Variants in KCNK13 observed in about 807,000 individuals in gnomAD.
The protein encoded by KCNK13 is potassium two pore domain channel subfamily K member 13, also known as potassium channel subfamily K member 13.
A neutral mutation model predicts 23.4 loss-of-function variants in KCNK13; 12 were observed. The observed-to-expected ratio is 0.51, with a 90% CI of 0.33 to 0.83. KCNK13 has a LOEUF of 0.83. KCNK13 is among the 40% of genes least tolerant of loss of function. KCNK13 has a pLI of 0.02. For missense variants in KCNK13, 463 were observed against 556.3 expected (o/e 0.83, Z 1.69); for synonymous variants, 231 against 229.5 (o/e 1.01, Z -0.06).
At position 90,079,322 on chromosome 14, in the gene KCNK13, G is replaced by GAGGGAATTGAGGATGAGAAA. The variant is rs542179013; in HGVS notation, c.334+16810_334+16829dup. 2.4e-3 allele frequency among the ~76,000 whole-genome samples: 369 copies of GAGGGAATTGAGGATGAGAAA among 152,284 alleles called. 1 individual carries two copies. The highest frequency in any genetic ancestry group is 8.2e-3 in the African/African-American group (339 of 41,532). Reference sequence around the variant, plus strand: ...TCCCAGAAAAAACTAGTAGGAGTGTGAGGGAATTGAGGATGAGAAAAGGGA... The same window carrying GAGGGAATTGAGGATGAGAAA: ...TCCCAGAAAAAACTAGTAGGAGTGTGAGGGAATTGAGGATGAGAAAAGGGAATTGAGGATGAGAAAAGGGA... On this transcript the variant is annotated intron_variant, in intron 1 of 1. Transcript: ENST00000282146.
At chr14:90,098,511 G>A (rs1487778327) in intron 1 of KCNK13, among the ~76,000 whole-genome samples, 3 of 151,414 alleles carry the variant, frequency 2.0e-5, no homozygotes, top group African/African-American at 7.3e-5. Context: ...TTGGGAGGCC[G>A]AGGTGGGCGG....
rs746210519 is a variant in KCNK13, at chr14:90,184,848, G to A, written c.1072G>A (p.Ala358Thr). ...GAAGGACTTGCTGGCAGCCAACAAG[G>A]CCTCGTTGGCCATCCTGCAGAAGCA... The part of the protein sequence containing the change: ...SMKDLLAANK[A>T]SLAILQKQLS... The change falls in exon 2 of 2, where the codon GCC becomes ACC. Residue 358 changes from alanine (A) to threonine (T), a missense_variant. By Grantham distance (58) the Ala-to-Thr change is moderately conservative (BLOSUM62 0). Around this residue, in one of 3 missense-constraint regions of KCNK13, gnomAD observed 166 missense variants for 178.8 expected, o/e 0.93. Transcript: ENST00000282146. The surrounding 1 kb of genome is among the most constrained non-coding windows in gnomAD (Gnocchi z 5.6). 4 of 1,613,808 alleles carry A rather than the reference G, an allele frequency of 2.5e-6. No individual in the cohort carries two copies. Among genetic ancestry groups the A allele is most frequent in the Admixed American group, 3.3e-5 (2 of 60,028 alleles).
chr14:90,167,916 G>A (rs1011830687), intron 1 of KCNK13, among the ~76,000 whole-genome samples: 1 of 152,184 alleles, frequency 6.6e-6, no homozygotes, highest in Non-Finnish European at 1.5e-5. Context: ...GGAAGTAGAA[G>A]GTCCTTGAAT....
chr14:90,118,245 G>A (rs1251218063), intron 1 of KCNK13, among the ~76,000 whole-genome samples: 2 of 152,186 alleles, frequency 1.3e-5, no homozygotes, highest in Non-Finnish European at 2.9e-5. Context: ...TTCCCTGGGA[G>A]GAGAGTTTAG....
At chr14:90,109,799 C>T (rs1332811911) in intron 1 of KCNK13, among the ~76,000 whole-genome samples, 2 of 151,864 alleles carry the variant, frequency 1.3e-5, no homozygotes, top group African/African-American at 2.4e-5. Context: ...GCCTCAGCCT[C>T]CCGGGCTCAG....
At position 90,062,040 on chromosome 14, in the gene KCNK13, G is replaced by T. The variant is rs1029762726; in HGVS notation, c.-166G>T. 1.4e-5 allele frequency: 6 copies of T among 419,060 alleles called. No individual in the cohort carries two copies. Among genetic ancestry groups the T allele is most frequent in the Admixed American group, 1.4e-4 (3 of 22,122 alleles). The allele number at this position is 419,060 out of a possible 1,614,324, so 26.0% of individuals were successfully genotyped here. The stretch of plus-strand genomic sequence containing the variant: ...CACAGGAGCTACCGAGGCGGCGGCC[G>T]GGGGAGCCTCGCGGCCTGCGGGAGA... On this transcript the variant is annotated 5_prime_UTR_variant, in exon 1 of 2. Transcript: ENST00000282146. This position sits in a 1 kb window ranked among gnomAD's most constrained non-coding sequence, Gnocchi z 4.5.
At chr14:90,130,654 A>T (rs1889857507) in intron 1 of KCNK13, among the ~76,000 whole-genome samples, 1 of 151,954 alleles carries the variant, frequency 6.6e-6, no homozygotes, top group African/African-American at 2.4e-5. Context: ...CTCTACTAAC[A>T]ATACAAAAAA....
At chr14:90,093,956 T>A (rs1365287607) in intron 1 of KCNK13, among the ~76,000 whole-genome samples, 1 of 152,206 alleles carries the variant, frequency 6.6e-6, no homozygotes, top group Non-Finnish European at 1.5e-5. Flanking sequence ...TTTGTTTTAA[T>A]GGGATTTGCA....
chr14:90,108,315 T>C (rs1889571245), intron 1 of KCNK13, among the ~76,000 whole-genome samples: 1 of 152,168 alleles, frequency 6.6e-6, no homozygotes, highest in Admixed American at 6.5e-5. Context: ...GGCATGCCTC[T>C]GCCTCTAAGC....
chr14:90,076,987 T>A (rs1034984629), intron 1 of KCNK13, among the ~76,000 whole-genome samples: 1 of 151,852 alleles, frequency 6.6e-6, no homozygotes, highest in South Asian at 2.1e-4. Context: ...ACCTGGCTAA[T>A]TTTTTGTATT....
At chr14:90,082,089 T>G (rs1326464184) in intron 1 of KCNK13, among the ~76,000 whole-genome samples, 1 of 152,124 alleles carries the variant, frequency 6.6e-6, no homozygotes, top group Non-Finnish European at 1.5e-5. Flanking sequence ...CAAAACAGAG[T>G]CTCACTTTGT....
chr14:90,130,014 C>T lies in KCNK13; in HGVS notation c.335-54097C>T, dbSNP rs555657568. Among the ~76,000 whole-genome samples the T allele has an allele frequency of 4.6e-5, 7 of 152,082 alleles. No homozygotes were observed. The South Asian group carries it at 1.0e-3, about 23-fold the overall frequency. On this transcript the variant is annotated intron_variant, in intron 1 of 1. Transcript: ENST00000282146. ...CTAACATGTTAGCCGAGACCATCAA[C>T]GGACATGTTTTGTCTGTTCTTTCAA...
intron 1 of KCNK13, among the ~76,000 whole-genome samples, chr14:90,120,769 C>A (rs1304950162): frequency 6.6e-6 from 1 of 152,168 alleles, no homozygotes; most frequent in Non-Finnish European, 1.5e-5. Flanking sequence ...AATCTCATGT[C>A]CTCACATTTC....
intron 1 of KCNK13, among the ~76,000 whole-genome samples, chr14:90,074,867 C>G (rs898910922): frequency 2.6e-5 from 4 of 152,082 alleles, no homozygotes; most frequent in African/African-American, 9.7e-5. Context: ...AATCGTATTG[C>G]CTTTATTTAC....
At position 90,090,705 on chromosome 14, in the gene KCNK13, G is replaced by C. The variant is rs527878158; in HGVS notation, c.334+28166G>C. The stretch of plus-strand genomic sequence containing the variant: ...CTCACAATTCCCACGTGTCATGAGA[G>C]GAACCCAGTGGGAGGTAATTGAATC... On this transcript the variant is annotated intron_variant, in intron 1 of 1. Transcript: ENST00000282146. 7.1e-4 allele frequency among the ~76,000 whole-genome samples: 108 copies of C among 152,310 alleles called. 1 individual carries two copies. The South Asian group carries it at 0.022, about 31-fold the overall frequency.
At chr14:90,162,386 A>G (rs1238273803) in intron 1 of KCNK13, among the ~76,000 whole-genome samples, 1 of 152,248 alleles carries the variant, frequency 6.6e-6, no homozygotes, top group Non-Finnish European at 1.5e-5. Context: ...TGAGAACTAA[A>G]GACACACTAG....
chr14:90,151,754 T>A lies in KCNK13; in HGVS notation c.335-32357T>A, dbSNP rs867203094. Among the ~76,000 whole-genome samples, 4 of 152,194 alleles carry A rather than the reference T, an allele frequency of 2.6e-5. No homozygotes were observed. The South Asian group carries it at 8.3e-4, about 31-fold the overall frequency. ...TGTTTTCTTCTAGTAGTTTTATAGT[T>A]TCAGGTCTTAATGTTTAAGTCTTCA... On this transcript the variant is annotated intron_variant, in intron 1 of 1. Transcript: ENST00000282146.
intron 1 of KCNK13, among the ~76,000 whole-genome samples, chr14:90,144,495 C>CTCTTTTTTTT (rs1555352214): frequency 8.4e-6 from 1 of 119,240 alleles, no homozygotes; most frequent in African/African-American, 3.1e-5. Flanking sequence ...TTTACTTTCT[C>CTCTTTTTTTT]TTTTTTTTTT....
chr14:90,158,336 G>A (rs1057018797), intron 1 of KCNK13, among the ~76,000 whole-genome samples: 2 of 152,198 alleles, frequency 1.3e-5, no homozygotes, highest in Admixed American at 1.3e-4. Flanking sequence ...TGTCCATCAG[G>A]GAAAGAGGTG....
Sources: allele counts gnomAD v4.1 joint callset (sites outside exome capture counted in the v4.1 genomes callset), GRCh38; gene constraint gnomAD v4.1.1; regional missense constraint gnomAD v4.1.1; non-coding constraint Gnocchi (gnomAD v3.1); transcripts MANE v1.5; gene names NCBI Gene and HGNC (gene_info 2026-07-23, HGNC 2026-07-21).